BCHE: variants seen among roughly 807,000 people sequenced by gnomAD.
BCHE encodes cholinesterase.
A neutral mutation model predicts 51.3 loss-of-function variants in BCHE; 48 were observed. The ratio of observed to expected loss-of-function variants is 0.94; its 90% CI spans 0.74 to 1.19. The LOEUF is 1.19. BCHE is among the 50% of genes most tolerant of loss of function. The pLI is 0.00. For missense variants in BCHE, 847 were observed against 708.2 expected, an observed-to-expected ratio of 1.20 and a Z score of -2.23; for synonymous variants, 251 against 238.0, an observed-to-expected ratio of 1.05 and a Z score of -0.50.
intron 3 of BCHE, 41 bp downstream of exon 3, chr3:165,786,104 C>T (rs776962758): frequency 6.3e-7 from 1 of 1,582,684 alleles, no homozygotes; most frequent in African/African-American, 1.4e-5. Context: ...TTTACATAAC[C>T]CATCATCTAT....
intron 3 of BCHE, among the ~76,000 whole-genome samples, chr3:165,775,351 A>C (rs978157598): frequency 6.6e-6 from 1 of 151,934 alleles, no homozygotes; most frequent in African/African-American, 2.4e-5. Context: ...TAAAAAGATC[A>C]GTCACTATAA....
At chr3:165,784,402 T>A (rs1334167055) in intron 3 of BCHE, among the ~76,000 whole-genome samples, 1 of 151,940 alleles carries the variant, frequency 6.6e-6, no homozygotes, top group Admixed American at 6.6e-5. Context: ...ATAAAATATA[T>A]CTAATATGAA....
At chr3:165,800,846 C>T (rs1015608081) in intron 2 of BCHE, among the ~76,000 whole-genome samples, 2 of 152,054 alleles carry the variant, frequency 1.3e-5, no homozygotes, top group Admixed American at 6.6e-5. Flanking sequence ...AGTCACTGAT[C>T]TCTGAGATCC....
rs1199195141 is a variant in BCHE, at chr3:165,830,971, C to A, written c.63G>T (p.Met21Ile). Residue 21 changes from methionine to isoleucine, a missense_variant, in exon 2 of 4, where the codon ATG becomes ATT. Transcript: ENST00000264381. ...CTTCAGTATGTGACTTCCCAATAAGCATGCAGAGCAAAAGAAACCAAAAGA... is the reference window on the plus strand; with the variant it reads ...CTTCAGTATGTGACTTCCCAATAAGAATGCAGAGCAAAAGAAACCAAAAGA... The part of the protein sequence containing the change: ...RFLFWFLLLC[M>I]LIGKSHTEDD... The A allele has an allele frequency of 1.2e-6, 2 of 1,613,764 alleles. No homozygotes were observed. Among genetic ancestry groups the A allele is most frequent in the Non-Finnish European group, 1.7e-6 (2 of 1,179,848 alleles).
chr3:165,826,321 A>G (rs1232004440), intron 2 of BCHE, among the ~76,000 whole-genome samples: 30 of 152,140 alleles, frequency 2.0e-4, no homozygotes, highest in Non-Finnish European at 3.5e-4. Context: ...TGAATAACAA[A>G]TAAACTACTT....
In BCHE at chr3:165,789,760, G is replaced by T. The variant is rs73877730; in HGVS notation, c.1518-3449C>A. 7.5e-3 allele frequency among the ~76,000 whole-genome samples: 1,139 copies of T among 152,012 alleles called. 14 individuals are homozygous for T. Among genetic ancestry groups the T allele is most frequent in the African/African-American group, 0.027 (1,103 of 41,484 alleles). ...AGATTCCATTCCATGTCACTTAAAT[G>T]ATATTCTATTGTAAAATAAGGAATA... On this transcript the variant is annotated intron_variant, in intron 2 of 3. Coordinates refer to ENST00000264381, the MANE Select transcript of BCHE (RefSeq NM_000055.4).
chr3:165,783,723 G>GA (rs1292132409), intron 3 of BCHE, among the ~76,000 whole-genome samples: 2 of 151,876 alleles, frequency 1.3e-5, no homozygotes, highest in Non-Finnish European at 2.9e-5. Context: ...CACTTTTAGT[G>GA]AAAAAATATT....
intron 3 of BCHE, among the ~76,000 whole-genome samples, chr3:165,773,861 C>A (rs1280528760): frequency 2.6e-5 from 4 of 152,004 alleles, no homozygotes; most frequent in African/African-American, 9.6e-5. Context: ...TTTAAAATAA[C>A]ACAAATTTCA....
intron 2 of BCHE, among the ~76,000 whole-genome samples, chr3:165,803,624 G>C (rs1026362615): frequency 1.3e-4 from 20 of 152,198 alleles, no homozygotes; most frequent in African/African-American, 4.6e-4. Context: ...TTCTGGTTTG[G>C]TTATTTTTCT....
chr3:165,784,681 T>G (rs1712871751), intron 3 of BCHE, among the ~76,000 whole-genome samples: 1 of 151,956 alleles, frequency 6.6e-6, no homozygotes, highest in South Asian at 2.1e-4. Context: ...TTTTTTAAAA[T>G]GCTGATATTC....
chr3:165,794,999 T>A (rs892105862), intron 2 of BCHE, among the ~76,000 whole-genome samples: 1 of 152,070 alleles, frequency 6.6e-6, no homozygotes, highest in Non-Finnish European at 1.5e-5. Context: ...TAGGAAAATA[T>A]ACACTGAAAA....
At chr3:165,782,266 G>A (rs6798514) in intron 3 of BCHE, among the ~76,000 whole-genome samples, 14,677 of 152,024 alleles carry the variant, frequency 0.097, 771 homozygotes, top group Admixed American at 0.14. Context: ...TATTTCAAAT[G>A]TCACCAAGTC....
Position 165,830,059 on chromosome 3 carries a change from AT to A in BCHE, c.974del (p.Asp325ValfsTer34). On this transcript the variant is annotated frameshift_variant, in exon 2 of 4. Coordinates refer to ENST00000264381, the MANE Select transcript of BCHE (RefSeq NM_000055.4). LOFTEE classifies it high-confidence loss of function. The stretch of plus-strand genomic sequence containing the variant: ...ATATGTCTGGCATGTCAGTGAGAAA[AT>A]CACCATCCACGGTCGGACCAAAGTT... ...SVNFGPTVDG[D>X]FLTDMPDILL... 1 of 1,613,748 alleles carries A rather than the reference AT, an allele frequency of 6.2e-7. No homozygotes were observed. The highest frequency in any genetic ancestry group is 8.5e-7 in the Non-Finnish European group (1 of 1,179,890).
chr3:165,837,275 T>C lies in BCHE; in HGVS notation c.-9+39A>G, dbSNP rs552858194. On this transcript the variant is annotated intron_variant, in intron 1 of 3. Transcript: ENST00000264381. ...CCACAGAATGAGCTTTACAGTAACT[T>C]GGATCTCTACACGAAGGTGTAAATT... The C allele has an allele frequency of 7.5e-6, 9 of 1,204,826 alleles. No individual in the cohort carries two copies. In the African/African-American group the frequency reaches 1.4e-4, roughly 19 times the overall value. The allele number at this position is 1,204,826 out of a possible 1,614,324, so 74.6% of individuals were successfully genotyped here.
intron 3 of BCHE, among the ~76,000 whole-genome samples, chr3:165,775,077 G>A (rs2686407): frequency 0.91 from 138,859 of 152,100 alleles, 63,886 homozygotes; most frequent in Non-Finnish European, 0.97. Flanking sequence ...GAAAATAGGG[G>A]CTGGCAACTC....
At chr3:165,787,597 G>T (rs1299655147) in intron 2 of BCHE, among the ~76,000 whole-genome samples, 8 of 151,900 alleles carry the variant, frequency 5.3e-5, no homozygotes, top group Non-Finnish European at 1.2e-4. Context: ...AAGGAAAGTC[G>T]GGAAAGCTAG....
intron 2 of BCHE, among the ~76,000 whole-genome samples, chr3:165,806,632 A>G (rs1372119475): frequency 2.0e-5 from 3 of 152,162 alleles, no homozygotes; most frequent in African/African-American, 7.2e-5. Context: ...TTTAATATAA[A>G]ATATCAGATA....
At chr3:165,777,519 C>T (rs1312985810) in intron 3 of BCHE, among the ~76,000 whole-genome samples, 1 of 151,984 alleles carries the variant, frequency 6.6e-6, no homozygotes, top group Admixed American at 6.6e-5. Flanking sequence ...AAAAGATTAT[C>T]TAATACTTAA....
intron 2 of BCHE, among the ~76,000 whole-genome samples, chr3:165,816,109 CA>C (rs1445088334): frequency 6.6e-6 from 1 of 151,610 alleles, no homozygotes; most frequent in African/African-American, 2.4e-5. Flanking sequence ...GAATACATAT[CA>C]AAGAAACATT....
Sources: allele counts gnomAD v4.1 joint callset (sites outside exome capture counted in the v4.1 genomes callset), GRCh38; gene constraint gnomAD v4.1.1; transcripts MANE v1.5; gene names NCBI Gene and HGNC (gene_info 2026-07-23, HGNC 2026-07-21).